SYCP1: variants seen among roughly 807,000 people sequenced by gnomAD.
SYCP1 encodes the protein synaptonemal complex protein 1.
SYCP1 carries 64 observed loss-of-function variants against 153.1 expected under a neutral mutation model. That is an observed-to-expected ratio of 0.42 (90% confidence interval 0.34 to 0.51). The LOEUF (loss-of-function observed/expected upper bound fraction) is 0.51. Ranked by LOEUF, SYCP1 falls within the 20% of genes least tolerant of loss-of-function variation. The probability of loss-of-function intolerance (pLI) is 0.06; values close to 1 mark genes in which losing one functional copy is unlikely to be tolerated. For missense variants in SYCP1, 997 were observed against 1,049.0 expected, an observed-to-expected ratio of 0.95 and a Z score of 0.68; for synonymous variants, 384 against 341.8, an observed-to-expected ratio of 1.12 and a Z score of -1.36.
chr1:114,874,481 C>T (rs558986484), intron 8 of SYCP1, 25 bp from the exon 9 acceptor site: 4 of 1,398,490 alleles, frequency 2.9e-6, no homozygotes, highest in East Asian at 2.3e-5. Context: ...AAAATTTAAT[C>T]TTGAAATTTT....
chr1:114,867,642 T>C (rs1204398346), intron 8 of SYCP1, among the ~76,000 whole-genome samples: 1 of 152,160 alleles, frequency 6.6e-6, no homozygotes, highest in Non-Finnish European at 1.5e-5. Context: ...GCTTATTAGT[T>C]CCAGGATTTT....
intron 16 of SYCP1, among the ~76,000 whole-genome samples, chr1:114,908,696 T>C (rs35110196): frequency 0.015 from 2,234 of 152,280 alleles, 23 homozygotes; most frequent in Non-Finnish European, 0.022. Flanking sequence ...TGTTCTTATT[T>C]TCTATTTCTT....
chr1:114,989,537 G>T (rs7513693), intron 30 of SYCP1, among the ~76,000 whole-genome samples: 3,823 of 151,950 alleles, frequency 0.025, 190 homozygotes, highest in African/African-American at 0.088. Context: ...AATGTAAATA[G>T]ATTATACTCT....
chr1:114,917,838 C>T (rs1668608904), intron 20 of SYCP1, among the ~76,000 whole-genome samples: 1 of 151,900 alleles, frequency 6.6e-6, no homozygotes, highest in Admixed American at 6.6e-5. Flanking sequence ...GATTATTAGA[C>T]TTATTCCCAT....
intron 3 of SYCP1, 75 bp from the exon 4 acceptor site, chr1:114,857,157 A>AG: frequency 2.3e-6 from 2 of 880,802 alleles, no homozygotes; most frequent in Non-Finnish European, 3.2e-6. Context: ...AAAAAAAAAA[A>AG]GAGAAAAAAG....
Position 114,977,587 on chromosome 1 carries a change from A to G in SYCP1, c.2353A>G (p.Thr785Ala), listed in dbSNP as rs747000644. The G allele has an allele frequency of 6.6e-7, 1 of 1,508,256 alleles. No individual in the cohort carries two copies. Among genetic ancestry groups the G allele is most frequent in the Middle Eastern group, 1.7e-4 (1 of 5,744 alleles). 93.4% of individuals were successfully genotyped at this position (1,508,256 alleles called of 1,614,324 possible). A position where few individuals can be genotyped will look rare whatever the true frequency, so the allele number is the denominator to read the frequency against. Reference protein sequence around the residue: ...EKLKREAKENTATLKEKKDKK... With the variant: ...EKLKREAKENAATLKEKKDKK... ...ACTCAAAAGAGAGGCAAAAGAAAAC[A>G]CAGCTACTCTTAAAGAAAAAAAAGA... is the stretch of plus-strand genomic sequence containing the variant. Residue 785 changes from threonine (T) to alanine (A), a missense_variant, in exon 28 of 32, where the codon ACA becomes GCA. Physicochemically the swap from Thr to Ala is moderately conservative, Grantham distance 58. Around this residue, in one of 2 missense-constraint regions of SYCP1, gnomAD observed 712 missense variants for 682.9 expected, o/e 1.04. Transcript: ENST00000369522.
intron 14 of SYCP1, among the ~76,000 whole-genome samples, chr1:114,887,118 T>C (rs1201392372): frequency 6.6e-6 from 1 of 152,062 alleles, no homozygotes; most frequent in Non-Finnish European, 1.5e-5. Context: ...GCTCCCCTAA[T>C]TTATATATTT....
At chr1:114,966,442 A>G (rs1263661375) in intron 27 of SYCP1, among the ~76,000 whole-genome samples, 2 of 151,738 alleles carry the variant, frequency 1.3e-5, no homozygotes, top group African/African-American at 4.8e-5. Flanking sequence ...ATGTTAGGGT[A>G]TTGGTTTTGG....
At chr1:114,939,791 A>G (rs1670267985) in intron 23 of SYCP1, among the ~76,000 whole-genome samples, 1 of 151,522 alleles carries the variant, frequency 6.6e-6, no homozygotes, top group Non-Finnish European at 1.5e-5. Flanking sequence ...ATTATGTCTC[A>G]TTGAAGTTGA....
chr1:114,881,056 TACAC>T (rs67335338), intron 12 of SYCP1, among the ~76,000 whole-genome samples: 12,931 of 144,888 alleles, frequency 0.089, 708 homozygotes, highest in South Asian at 0.13. Context: ...TTTGTGTATA[TACAC>T]ACACACACAC....
chr1:114,952,553 C>T (rs903450325), intron 27 of SYCP1, among the ~76,000 whole-genome samples: 2 of 152,116 alleles, frequency 1.3e-5, no homozygotes, highest in African/African-American at 4.8e-5. Context: ...GGGAAGCAAA[C>T]ATGTCCTTCA....
intron 29 of SYCP1, among the ~76,000 whole-genome samples, chr1:114,982,036 A>C (rs528066694): frequency 1.3e-5 from 2 of 152,150 alleles, no homozygotes; most frequent in Admixed American, 1.3e-4. Context: ...ACTGTCTTTC[A>C]TATAGCCACT....
At chr1:114,920,452 T>C (rs1668792994) in intron 20 of SYCP1, among the ~76,000 whole-genome samples, 1 of 152,146 alleles carries the variant, frequency 6.6e-6, no homozygotes, top group African/African-American at 2.4e-5. Flanking sequence ...ATGTTTATTC[T>C]GCAATTGTTG....
At chr1:114,881,499 T>C (rs1001463083) in intron 12 of SYCP1, among the ~76,000 whole-genome samples, 5 of 73,398 alleles carry the variant, frequency 6.8e-5, no homozygotes, top group African/African-American at 2.0e-4. Flanking sequence ...ATGGAAGGTA[T>C]TATCCTTCCT....
At position 114,855,517 on chromosome 1, in the gene SYCP1, G is replaced by A. The variant is rs751845788; in HGVS notation, c.53G>A (p.Ser18Asn). The change falls in exon 2 of 32, where the codon AGT becomes AAT. Residue 18 changes from serine to asparagine, a missense_variant. Physicochemically the swap from Ser to Asn is conservative, Grantham distance 46 (BLOSUM62 1). Coordinates refer to ENST00000369522, the MANE Select transcript of SYCP1 (RefSeq NM_003176.4). ...TTCGTACCACCGAGATCAAGCAGCA[G>A]TCAGGTGTCTGCGGTGAAACCTCAG... ...ALFVPPRSSSSQVSAVKPQTL... is the reference protein window; with the variant it reads ...ALFVPPRSSSNQVSAVKPQTL... 76 of 1,613,038 alleles carry A rather than the reference G, an allele frequency of 4.7e-5. No individual in the cohort carries two copies. In the East Asian group the frequency reaches 8.7e-4, roughly 18 times the overall value.
chr1:114,960,368 A>G lies in SYCP1; in HGVS notation c.2322+13048A>G, dbSNP rs193070909. Among the ~76,000 whole-genome samples the G allele has an allele frequency of 5.7e-4, 86 of 152,154 alleles. No homozygotes were observed. The East Asian group carries it at 0.013, about 23-fold the overall frequency. ...TTTTTAGTAGAGATGGGGTTTTGCCATGTTGGCCAGGCTTGTCTCGAACTC... is the reference window on the plus strand; with the variant it reads ...TTTTTAGTAGAGATGGGGTTTTGCCGTGTTGGCCAGGCTTGTCTCGAACTC... On this transcript the variant is annotated intron_variant, in intron 27 of 31. Coordinates refer to ENST00000369522, the MANE Select transcript of SYCP1 (RefSeq NM_003176.4).
chr1:114,938,153 T>A (rs1257524902), intron 23 of SYCP1, among the ~76,000 whole-genome samples: 9 of 152,044 alleles, frequency 5.9e-5, no homozygotes, highest in Non-Finnish European at 1.5e-5. Context: ...AACCCAAATG[T>A]CCATCAATGA....
intron 23 of SYCP1, among the ~76,000 whole-genome samples, chr1:114,935,002 A>G (rs1358210251): frequency 6.6e-6 from 1 of 152,176 alleles, no homozygotes; most frequent in Non-Finnish European, 1.5e-5. Context: ...GATCAATGAG[A>G]CAGAAAGTTA....
intron 8 of SYCP1, among the ~76,000 whole-genome samples, chr1:114,871,518 A>G (rs538358792): frequency 6.6e-6 from 1 of 152,110 alleles, no homozygotes; most frequent in East Asian, 1.9e-4. Flanking sequence ...CTTTTATATA[A>G]AGCATAAATA....
Sources: gnomAD v4.1 joint callset for allele counts (sites outside exome capture counted in the v4.1 genomes callset) on GRCh38, gnomAD v4.1.1 for gene constraint, gnomAD v4.1.1 regional missense constraint, MANE v1.5 for transcripts, NCBI Gene and HGNC (gene_info 2026-07-23, HGNC 2026-07-21) for gene names.